Variants in PI16 observed in about 807,000 individuals in gnomAD.
PI16 encodes the protein peptidase inhibitor 16.
Under a neutral mutation model 38.0 loss-of-function variants are expected in PI16, and 35 were observed. The observed-to-expected ratio is 0.92, with a 90% confidence interval of 0.70 to 1.22. The LOEUF (loss-of-function observed/expected upper bound fraction) is 1.22, where lower values mean the gene tolerates loss of function less well. Ranked by LOEUF, PI16 falls within the 50% of genes most tolerant of loss-of-function variation. The probability of loss-of-function intolerance (pLI) is 0.00; values close to 1 mark genes in which losing one functional copy is unlikely to be tolerated. For synonymous variants in PI16, 275 were observed against 252.9 expected (o/e 1.09, Z -0.83); for missense variants, 572 against 593.8 (o/e 0.96, Z 0.38).
chr6:36,961,761 G>A, intron 3 of PI16, 125 bp from the exon 4 acceptor site: 1 of 971,860 alleles, frequency 1.0e-6, no homozygotes, highest in Admixed American at 1.9e-5. Context: ...AGTTCGCCCA[G>A]CAAGTCAGTG....
In PI16 at chr6:36,963,386, A is replaced by G. The variant is rs2296934; in HGVS notation, c.1044A>G (p.Glu348=). ...DPKMSLTGAR[E]LLPHAQEEAE... ...AGATGTCCCTGACAGGGGCAAGGGAACTCCTACCCCATGCCCAGGAGGAGG... is the reference window on the plus strand; with the variant it reads ...AGATGTCCCTGACAGGGGCAAGGGAGCTCCTACCCCATGCCCAGGAGGAGG... The change falls in exon 5 of 7, where the codon GAA becomes GAG. Residue 348 remains glutamate (E), a synonymous_variant. Coordinates refer to ENST00000373674, the MANE Select transcript of PI16 (RefSeq NM_153370.3). 963,564 of 1,613,788 alleles carry G rather than the reference A, an allele frequency of 0.6. 289,375 individuals are homozygous for G. Among genetic ancestry groups the G allele is most frequent in the Admixed American group, 0.73 (43,976 of 60,008 alleles).
Position 36,963,563 on chromosome 6 carries a change from CG to C in PI16, c.1222del (p.Ala408LeufsTer30), listed in dbSNP as rs1263226170. ...LPNFPNTSATANATGGRALAL... is the reference protein window; with the variant it reads ...LPNFPNTSATXNATGGRALAL... ...CCAATTTCCCCAATACCTCTGCCAC[CG>C]CTAATGCCACGGGTGGGCGTGCCCT... On this transcript the variant is annotated frameshift_variant, in exon 5 of 7. Coordinates refer to ENST00000373674, the MANE Select transcript of PI16 (RefSeq NM_153370.3). LOFTEE classifies it high-confidence loss of function. 1 of 1,614,100 alleles carries C rather than the reference CG, an allele frequency of 6.2e-7. No individual in the cohort carries two copies. Among genetic ancestry groups the C allele is most frequent in the Non-Finnish European group, 8.5e-7 (1 of 1,180,052 alleles).
At chr6:36,952,486 C>T (rs1185112487), upstream of PI16, among the ~76,000 whole-genome samples, 1 of 152,150 alleles carries the variant, frequency 6.6e-6, no homozygotes, top group Non-Finnish European at 1.5e-5. Context: ...TTTTAATATA[C>T]TTACGGTAAA....
chr6:36,957,887 C>T (rs1047995679), intron 1 of PI16, among the ~76,000 whole-genome samples: 19 of 152,230 alleles, frequency 1.2e-4, no homozygotes, highest in African/African-American at 4.3e-4. Flanking sequence ...CCCGGCACCT[C>T]GCAGGTGATC....
chr6:36,957,637 G>A (rs1320844512), intron 1 of PI16, among the ~76,000 whole-genome samples: 1 of 152,162 alleles, frequency 6.6e-6, no homozygotes, highest in Non-Finnish European at 1.5e-5. Context: ...TCCACAGGGG[G>A]CTCTGGATGA....
Position 36,959,314 on chromosome 6 carries a change from A to T in PI16, c.341A>T (p.Asn114Ile). 6.3e-7 allele frequency: 1 copy of T among 1,581,396 alleles called. No homozygotes were observed. The highest frequency in any genetic ancestry group is 2.3e-5 in the East Asian group (1 of 43,190). The part of the protein sequence containing the change: ...EEWHHEREHY[N>I]LSAATCSPGQ... Reference sequence around the variant, plus strand: ...TGGCACCACGAGCGTGAGCACTACAACCTCAGCGCCGCCACCTGCAGCCCA... The same window carrying T: ...TGGCACCACGAGCGTGAGCACTACATCCTCAGCGCCGCCACCTGCAGCCCA... Residue 114 changes from asparagine to isoleucine, a missense_variant, in exon 2 of 7, where the codon AAC (asparagine) becomes ATC (isoleucine). Coordinates refer to ENST00000373674, the MANE Select transcript of PI16 (RefSeq NM_153370.3).
intron 1 of PI16, among the ~76,000 whole-genome samples, chr6:36,948,697 T>A (rs1763053838): frequency 8.3e-6 from 1 of 121,152 alleles, no homozygotes; most frequent in African/African-American, 3.3e-5. Flanking sequence ...CCTCCTTTCC[T>A]TACTGTCTCC....
At chr6:36,954,615 C>A, upstream of PI16, 1 of 1,345,112 alleles carries the variant, frequency 7.4e-7, no homozygotes, top group Non-Finnish European at 1.0e-6. Flanking sequence ...AAGCGCCCAG[C>A]CCTCCCTGAG....
chr6:36,962,046 G>C lies in PI16; in HGVS notation c.592+72G>C. 2 of 1,345,116 alleles carry C rather than the reference G, an allele frequency of 1.5e-6. No homozygotes were observed. Among genetic ancestry groups the C allele is most frequent in the Non-Finnish European group, 1.1e-6 (1 of 936,290 alleles). The allele number at this position is 1,345,116 out of a possible 1,614,324, so 83.3% of individuals were successfully genotyped here. On this transcript the variant is annotated intron_variant, in intron 4 of 6. Transcript: ENST00000373674. The surrounding 1 kb of genome is among the most constrained non-coding windows in gnomAD (Gnocchi z 4.1). ...GCGATGCAGACTGGATGGTCTAAGA[G>C]CCTCCCTGGACTGAGCGGGACGTGG...
chr6:36,963,407 G>GGAGGCT lies in PI16; in HGVS notation c.1081_1086dup (p.Ala361_Glu362dup), dbSNP rs770261947. On this transcript the variant is annotated inframe_insertion, in exon 5 of 7. Transcript: ENST00000373674. ...GGGAACTCCTACCCCATGCCCAGGAGGAGGCTGAGGCTGAGGCTGAGTTGC... is the reference window on the plus strand; with the variant it reads ...GGGAACTCCTACCCCATGCCCAGGAGGAGGCTGAGGCTGAGGCTGAGGCTGAGTTGC... The GGAGGCT allele has an allele frequency of 5.0e-6, 8 of 1,614,180 alleles. No individual in the cohort carries two copies. Among genetic ancestry groups the GGAGGCT allele is most frequent in the African/African-American group, 2.7e-5 (2 of 75,060 alleles).
chr6:36,954,237 G>C (rs891166227), upstream of PI16, among the ~76,000 whole-genome samples: 13 of 152,230 alleles, frequency 8.5e-5, no homozygotes, highest in African/African-American at 3.1e-4. Context: ...TGATTCACTT[G>C]AGAAAGCTGC....
At chr6:36,951,035 T>C (rs373922354), upstream of PI16, among the ~76,000 whole-genome samples, 17 of 152,300 alleles carry the variant, frequency 1.1e-4, 1 homozygote, top group Admixed American at 8.5e-4. Context: ...TATTTTCTGT[T>C]TTGTTTTGTT....
chr6:36,963,269 A>G lies in PI16; in HGVS notation c.927A>G (p.Lys309=). The change falls in exon 5 of 7, where the codon AAA becomes AAG. Residue 309 remains lysine (K), a synonymous_variant. Transcript: ENST00000373674. ...SLDEEPVTFP[K]STHVPIPKSA... ...ATGAGGAGCCAGTTACCTTCCCCAA[A>G]TCGACCCATGTTCCTATCCCAAAAT... is the stretch of plus-strand genomic sequence containing the variant. 1 of 1,614,164 alleles carries G rather than the reference A, an allele frequency of 6.2e-7. No individual in the cohort carries two copies. The highest frequency in any genetic ancestry group is 8.5e-7 in the Non-Finnish European group (1 of 1,180,022).
intron 1 of PI16, among the ~76,000 whole-genome samples, chr6:36,958,677 C>G (rs571116808): frequency 1.3e-3 from 201 of 152,112 alleles, no homozygotes; most frequent in African/African-American, 4.8e-3. Context: ...AGGAAGGTGC[C>G]GGCCCTCAAG....
intron 1 of PI16, among the ~76,000 whole-genome samples, chr6:36,948,983 C>T (rs1013574275): frequency 6.6e-6 from 1 of 151,752 alleles, no homozygotes; most frequent in African/African-American, 2.4e-5. Context: ...TTAGTAGAGA[C>T]AGGGTTTCAC....
At chr6:36,964,078 C>A (rs1240507328) in intron 6 of PI16, 116 bp downstream of exon 6, 1 of 1,284,818 alleles carries the variant, frequency 7.8e-7, no homozygotes, top group Non-Finnish European at 1.1e-6. Context: ...CCCCCCTTCA[C>A]CCCAACTTCT....
chr6:36,957,065 C>G (rs1292361034), intron 1 of PI16, among the ~76,000 whole-genome samples: 4 of 152,192 alleles, frequency 2.6e-5, no homozygotes, highest in African/African-American at 9.7e-5. Context: ...CTTCTGGCCT[C>G]TGCTGTCAGA....
intron 1 of PI16, among the ~76,000 whole-genome samples, chr6:36,949,097 TTCTC>T (rs983032982): frequency 4.6e-5 from 7 of 151,202 alleles, no homozygotes; most frequent in Non-Finnish European, 1.0e-4. Context: ...TATTTTCTTT[TTCTC>T]TCTCTCCTCT....
chr6:36,948,939 C>T (rs1763058192), intron 1 of PI16, among the ~76,000 whole-genome samples: 1 of 151,720 alleles, frequency 6.6e-6, no homozygotes. Flanking sequence ...GGACTACAGG[C>T]GTGTGCCACT....
Sources: allele counts gnomAD v4.1 joint callset (sites outside exome capture counted in the v4.1 genomes callset), GRCh38; gene constraint gnomAD v4.1.1; non-coding constraint Gnocchi (gnomAD v3.1); transcripts MANE v1.5; gene names NCBI Gene and HGNC (gene_info 2026-07-23, HGNC 2026-07-21).